TUFM: variants seen among roughly 807,000 people sequenced by gnomAD.
TUFM encodes elongation factor Tu, mitochondrial.
Under a neutral mutation model 45.0 loss-of-function variants are expected in TUFM, and 23 were observed. The observed-to-expected ratio is 0.51, with a 90% CI of 0.37 to 0.72. The LOEUF (loss-of-function observed/expected upper bound fraction) is 0.72. TUFM is among the 30% of genes least tolerant of loss of function. The pLI, the probability that TUFM is intolerant of heterozygous loss-of-function variation, is 0.00. For synonymous variants in TUFM, 243 were observed against 252.9 expected (o/e 0.96, Z 0.37); for missense variants, 490 against 610.7 (o/e 0.80, Z 2.08).
chr16:28,844,708 C>T lies in TUFM; in HGVS notation c.674G>A (p.Cys225Tyr), dbSNP rs757858020. The T allele has an allele frequency of 1.7e-5, 27 of 1,614,206 alleles. No individual in the cohort carries two copies. The highest frequency in any genetic ancestry group is 2.2e-5 in the Non-Finnish European group (26 of 1,180,036). ...ETPVIVGSAL[C>Y]ALEGRDPELG... is the part of the protein sequence containing the mutation. ...TGACCCCGCGTTCACCTCAAGGGCA[C>T]AGAGAGCAGAGCCTACGATGACTGG... is the stretch of plus-strand genomic sequence containing the variant. The change falls in exon 5 of 10, where the codon TGT (cysteine) becomes TAT (tyrosine). Residue 225 changes from cysteine (C) to tyrosine (Y), a missense_variant. Coordinates refer to ENST00000313511, the MANE Select transcript of TUFM (RefSeq NM_003321.5). This position sits in a 1 kb window ranked among gnomAD's most constrained non-coding sequence, Gnocchi z 5.8.
chr16:28,844,806 A>T lies in TUFM; in HGVS notation c.576T>A (p.Ser192=). ...YVNKADAVQD[S]EMVELVELEI... ...CCAGTTCCACCAGTTCCACCATCTC[A>T]GAGTCCTGGACAGCGTCAGCCTTGT... The change falls in exon 5 of 10, where the codon TCT becomes TCA. Residue 192 remains serine, a synonymous_variant. Transcript: ENST00000313511. This position sits in a 1 kb window ranked among gnomAD's most constrained non-coding sequence, Gnocchi z 5.8. 6.2e-7 allele frequency: 1 copy of T among 1,613,772 alleles called. No homozygotes were observed. Among genetic ancestry groups the T allele is most frequent in the Non-Finnish European group, 8.5e-7 (1 of 1,179,688 alleles).
intron 9 of TUFM, among the ~76,000 whole-genome samples, chr16:28,843,528 C>T (rs545197669): frequency 1.3e-5 from 2 of 152,290 alleles, no homozygotes; most frequent in African/African-American, 4.8e-5. Flanking sequence ...TTTTAACCTG[C>T]TTCAGCTTAG....
In TUFM at chr16:28,844,941, C is replaced by T; in HGVS notation, c.519+10G>A. On this transcript the variant is annotated intron_variant, in intron 4 of 9. Transcript: ENST00000313511. The surrounding 1 kb of genome is among the most constrained non-coding windows in gnomAD (Gnocchi z 5.8). The stretch of plus-strand genomic sequence containing the variant: ...CTTCCCTTTTGCATCCTTACCCAGG[C>T]TCTGAGTACCTGTCTGGCCAGTAAT... The T allele has an allele frequency of 1.7e-5, 28 of 1,614,172 alleles. No individual in the cohort carries two copies. The highest frequency in any genetic ancestry group is 2.3e-5 in the Non-Finnish European group (27 of 1,180,010).
intron 2 of TUFM, 107 bp downstream of exon 2, chr16:28,845,805 T>C (rs952006303): frequency 1.5e-5 from 21 of 1,434,096 alleles, no homozygotes; most frequent in Admixed American, 1.1e-4. Flanking sequence ...ATTCGGGCTC[T>C]TGGGGCCACA....
chr16:28,846,337 C>A lies in TUFM; in HGVS notation c.-68G>T, dbSNP rs1452260730. On this transcript the variant is annotated 5_prime_UTR_variant, in exon 1 of 10. Transcript: ENST00000313511. The stretch of plus-strand genomic sequence containing the variant: ...GCGCACAGAAGAAGAAGGGCGCCTG[C>A]GGCTGGAAGGCACTTCCGGCGGAAG... 1 of 1,511,362 alleles carries A rather than the reference C, an allele frequency of 6.6e-7. No individual in the cohort carries two copies. The highest frequency in any genetic ancestry group is 8.9e-7 in the Non-Finnish European group (1 of 1,118,806). The allele number at this position is 1,511,362 out of a possible 1,614,324, so 93.6% of individuals were successfully genotyped here. A position where few individuals can be genotyped will look rare whatever the true frequency, so the allele number is the denominator to read the frequency against.
rs1961859304 is a variant in TUFM at position 28,843,780 on chromosome 16, G to A, written c.1150C>T (p.Leu384=). Residue 384 remains leucine (L), a synonymous_variant, in exon 9 of 10, where the codon CTG becomes TTG. Transcript: ENST00000313511. ...ATCCGACAGGCCATGTCCCAAGTCAGGGAGAACATGACAGGCATGAAGTGG... is the reference window on the plus strand; with the variant it reads ...ATCCGACAGGCCATGTCCCAAGTCAAGGAGAACATGACAGGCATGAAGTGG... The part of the protein sequence containing the change: ...VSHFMPVMFS[L]TWDMACRIIL... 1 of 1,613,922 alleles carries A rather than the reference G, an allele frequency of 6.2e-7. No individual in the cohort carries two copies. The highest frequency in any genetic ancestry group is 1.3e-5 in the African/African-American group (1 of 75,052).
At position 28,844,865 on chromosome 16, in the gene TUFM, G is replaced by A. The variant is rs754939356; in HGVS notation, c.520-3C>T. ...ACCACCACATGCTCCACCCCAATCT[G>A]TAGATGCCAGAGAGACAGGGACAAT... On this transcript the variant is annotated splice_polypyrimidine_tract_variant and splice_region_variant and intron_variant, in intron 4 of 9. Transcript: ENST00000313511. This position sits in a 1 kb window ranked among gnomAD's most constrained non-coding sequence, Gnocchi z 5.8. 4.3e-6 allele frequency: 7 copies of A among 1,614,116 alleles called. No homozygotes were observed. The South Asian group carries it at 6.6e-5, about 15-fold the overall frequency.
chr16:28,846,063 C>T lies in TUFM; in HGVS notation c.96G>A (p.Arg32=), dbSNP rs1228367570. 4 of 1,613,814 alleles carry T rather than the reference C, an allele frequency of 2.5e-6. No homozygotes were observed. The highest frequency in any genetic ancestry group is 2.2e-5 in the East Asian group (1 of 44,884). Residue 32 remains arginine, a synonymous_variant, in exon 2 of 10, where the codon CGG becomes CGA. Transcript: ENST00000313511. ...GAGGCAATGCCGGGGCTTTCAGCAG[C>T]CGCAACAGACCCTGCAGCAGGAAGG... The part of the protein sequence containing the change: ...GRTFLLQGLL[R]LLKAPALPLL...
At position 28,844,240 on chromosome 16, in the gene TUFM, A is replaced by T; in HGVS notation, c.912T>A (p.Thr304=). The change falls in exon 7 of 10, where the codon ACT becomes ACA. Residue 304 remains threonine, a synonymous_variant. Transcript: ENST00000313511. The surrounding 1 kb of genome is among the most constrained non-coding windows in gnomAD (Gnocchi z 5.8). ...ELLGHSKNIR[T]VVTGIEMFHK... The stretch of plus-strand genomic sequence containing the variant: ...ACTGGCTTCCCAAACCTGTCACCAC[A>T]GTGCGGATGTTCTTGCTATGTCCTA... The T allele has an allele frequency of 6.2e-7, 1 of 1,614,148 alleles. No homozygotes were observed. Among genetic ancestry groups the T allele is most frequent in the Non-Finnish European group, 8.5e-7 (1 of 1,180,006 alleles).
rs780847632 is a variant in TUFM at position 28,845,457 on chromosome 16, T to C, written c.271A>G (p.Lys91Glu). Residue 91 changes from lysine to glutamate, a missense_variant, in exon 3 of 10, where the codon AAG becomes GAG. By Grantham distance (56) the Lys-to-Glu change is moderately conservative. Transcript: ENST00000313511. ...TCAATCTCCTCGTACTTCTTGAACT[T>C]AGCCCCACCTCCCTCAGCTAGAACT... is the stretch of plus-strand genomic sequence containing the variant. Reference protein sequence around the residue: ...TKILAEGGGAKFKKYEEIDNA... With the variant: ...TKILAEGGGAEFKKYEEIDNA... 1 of 1,614,182 alleles carries C rather than the reference T, an allele frequency of 6.2e-7. No homozygotes were observed. The highest frequency in any genetic ancestry group is 1.7e-5 in the Admixed American group (1 of 60,022).
rs1961886633 is a variant in TUFM at position 28,844,683 on chromosome 16, T to C, written c.684+15A>G. 1 of 1,614,198 alleles carries C rather than the reference T, an allele frequency of 6.2e-7. No homozygotes were observed. The highest frequency in any genetic ancestry group is 8.5e-7 in the Non-Finnish European group (1 of 1,180,044). On this transcript the variant is annotated intron_variant, in intron 5 of 9. Transcript: ENST00000313511. This position sits in a 1 kb window ranked among gnomAD's most constrained non-coding sequence, Gnocchi z 5.8. ...CACCCTCTGCAGCAGCTGCCCTGCC[T>C]GACCCCGCGTTCACCTCAAGGGCAC...
At chr16:28,845,607 A>G in intron 2 of TUFM, 127 bp from the exon 3 acceptor site, 1 of 1,238,318 alleles carries the variant, frequency 8.1e-7, no homozygotes. Context: ...TCCAGCAGAG[A>G]GAACTGTGGG....
chr16:28,844,493 G>A lies in TUFM; in HGVS notation c.743C>T (p.Thr248Ile), dbSNP rs771898967. 5 of 1,614,018 alleles carry A rather than the reference G, an allele frequency of 3.1e-6. No homozygotes were observed. The African/African-American group carries it at 6.7e-5, about 22-fold the overall frequency. Residue 248 changes from threonine (T) to isoleucine (I), a missense_variant, in exon 6 of 10, where the codon ACT becomes ATT. Physicochemically the swap from Thr to Ile is moderately conservative, Grantham distance 89. Transcript: ENST00000313511. The surrounding 1 kb of genome is among the most constrained non-coding windows in gnomAD (Gnocchi z 5.8). ...SVQKLLDAVD[T>I]YIPVPARDLE... ...GTCCCGGGCGGGCACTGGGATGTAA[G>A]TGTCCACAGCATCCAGTAGCTTCTG...
Position 28,842,513 on chromosome 16 carries a change from A to G in TUFM, c.*462T>C, listed in dbSNP as rs1448668786. Reference sequence around the variant, plus strand: ...CCCACAGAATGTGAATGGATGCTAGACATTCACTTAGTATTCCGAGGAAAC... The same window carrying G: ...CCCACAGAATGTGAATGGATGCTAGGCATTCACTTAGTATTCCGAGGAAAC... On this transcript the variant is annotated 3_prime_UTR_variant, in exon 10 of 10. Coordinates refer to ENST00000313511, the MANE Select transcript of TUFM (RefSeq NM_003321.5). 8.2e-6 allele frequency: 2 copies of G among 243,032 alleles called. No homozygotes were observed. The highest frequency in any genetic ancestry group is 1.6e-5 in the Non-Finnish European group (2 of 122,032). 15.1% of individuals were successfully genotyped at this position (243,032 alleles called of 1,614,324 possible). A position where few individuals can be genotyped will look rare whatever the true frequency, so the allele number is the denominator to read the frequency against.
chr16:28,845,192 A>G, intron 3 of TUFM, 122 bp downstream of exon 3: 1 of 1,583,482 alleles, frequency 6.3e-7, no homozygotes, highest in Admixed American at 1.7e-5. Flanking sequence ...CGTGGCCAAG[A>G]CCACAAACCT....
chr16:28,842,944 C>T lies in TUFM; in HGVS notation c.*31G>A, dbSNP rs747899650. 15 of 1,613,194 alleles carry T rather than the reference C, an allele frequency of 9.3e-6. No homozygotes were observed. The highest frequency in any genetic ancestry group is 3.3e-5 in the South Asian group (3 of 91,024). ...AGCCCTGGCTAGGGCAGGCCTTAAACGCAAGGGAAGCTGAGCAGAGATCTG... is the reference window on the plus strand; with the variant it reads ...AGCCCTGGCTAGGGCAGGCCTTAAATGCAAGGGAAGCTGAGCAGAGATCTG... On this transcript the variant is annotated 3_prime_UTR_variant, in exon 10 of 10. Transcript: ENST00000313511.
Position 28,844,489 on chromosome 16 carries a change from G to A in TUFM, c.747C>T (p.Tyr249=), listed in dbSNP as rs1200574762. 2.5e-6 allele frequency: 4 copies of A among 1,614,148 alleles called. No homozygotes were observed. Among genetic ancestry groups the A allele is most frequent in the African/African-American group, 1.3e-5 (1 of 75,054 alleles). ...VQKLLDAVDT[Y]IPVPARDLEK... The stretch of plus-strand genomic sequence containing the variant: ...CCAGGTCCCGGGCGGGCACTGGGAT[G>A]TAAGTGTCCACAGCATCCAGTAGCT... Residue 249 remains tyrosine (Y), a synonymous_variant, in exon 6 of 10, where the codon TAC becomes TAT. Transcript: ENST00000313511. The surrounding 1 kb of genome is among the most constrained non-coding windows in gnomAD (Gnocchi z 5.8).
Position 28,843,127 on chromosome 16 carries a change from C to T in TUFM, c.1216G>A (p.Asp406Asn). ...CGCAAGATTAGGTTGAACTTCAGGT[C>T]CTCCCCGGGCATGGCAAGCTCCTAG... ...PEKELAMPGE[D>N]LKFNLILRQP... Residue 406 changes from aspartate to asparagine, a missense_variant, in exon 10 of 10, where the codon GAC becomes AAC. Transcript: ENST00000313511. 6.2e-7 allele frequency: 1 copy of T among 1,614,156 alleles called. No homozygotes were observed. The highest frequency in any genetic ancestry group is 8.5e-7 in the Non-Finnish European group (1 of 1,180,028).
At position 28,842,536 on chromosome 16, in the gene TUFM, A is replaced by C; in HGVS notation, c.*439T>G. The C allele has an allele frequency of 3.9e-6, 1 of 254,274 alleles. No homozygotes were observed. Among genetic ancestry groups the C allele is most frequent in the Non-Finnish European group, 7.8e-6 (1 of 128,204 alleles). 15.8% of individuals were successfully genotyped at this position (254,274 alleles called of 1,614,324 possible). A position where few individuals can be genotyped will look rare whatever the true frequency, so the allele number is the denominator to read the frequency against. On this transcript the variant is annotated 3_prime_UTR_variant, in exon 10 of 10. Coordinates refer to ENST00000313511, the MANE Select transcript of TUFM (RefSeq NM_003321.5). ...AGACATTCACTTAGTATTCCGAGGA[A>C]ACAAGATGGGTTTGGCACCTGAGCT...
Sources: allele counts gnomAD v4.1 joint callset (sites outside exome capture counted in the v4.1 genomes callset), GRCh38; gene constraint gnomAD v4.1.1; non-coding constraint Gnocchi (gnomAD v3.1); transcripts MANE v1.5; gene names NCBI Gene and HGNC (gene_info 2026-07-23, HGNC 2026-07-21).